DOCK5: variants seen among roughly 807,000 people sequenced by gnomAD.
DOCK5 encodes dedicator of cytokinesis 5.
A neutral mutation model predicts 251.8 loss-of-function variants in DOCK5; 142 were observed. That is an observed-to-expected ratio of 0.56 (90% CI 0.49 to 0.65). The LOEUF is 0.65. Among genes scored for constraint, DOCK5 ranks in the 30% least tolerant of loss-of-function variants. The pLI is 0.00. For missense variants in DOCK5, 2,111 were observed against 2,312.3 expected, an observed-to-expected ratio of 0.91 and a Z score of 1.79; for synonymous variants, 842 against 835.5, an observed-to-expected ratio of 1.01 and a Z score of -0.13.
intron 5 of DOCK5, among the ~76,000 whole-genome samples, chr8:25,279,373 A>G (rs1351640432): frequency 6.6e-6 from 1 of 152,178 alleles, no homozygotes; most frequent in Non-Finnish European, 1.5e-5. Context: ...AACATGATGA[A>G]ACTGAGAACA....
rs777662609 is a variant in DOCK5 at position 25,270,643 on chromosome 8, C to T, written c.168+1758C>T. The T allele has an allele frequency of 3.8e-5, 16 of 417,902 alleles. No individual in the cohort carries two copies. The Middle Eastern group carries it at 9.6e-4, about 25-fold the overall frequency. The allele number at this position is 417,902 out of a possible 1,614,324, so 25.9% of individuals were successfully genotyped here. A position where few individuals can be genotyped will look rare whatever the true frequency, so the allele number is the denominator to read the frequency against. ...AACGAAACTCTTGGATTTTTCACTG[C>T]GAAATTCAATTACGTTCAACCAAGG... On this transcript the variant is annotated intron_variant, in intron 3 of 51. Transcript: ENST00000276440.
chr8:25,187,123 C>G (rs920295362), intron 1 of DOCK5, among the ~76,000 whole-genome samples: 1 of 151,110 alleles, frequency 6.6e-6, no homozygotes, highest in Non-Finnish European at 1.5e-5. Flanking sequence ...ATAGCTTGAG[C>G]CTGGGAGGTT....
chr8:25,196,147 G>T (rs1801720354), intron 1 of DOCK5, among the ~76,000 whole-genome samples: 1 of 152,204 alleles, frequency 6.6e-6, no homozygotes, highest in South Asian at 2.1e-4. Context: ...CATAAATGTT[G>T]CATTATTAGA....
chr8:25,361,981 A>G (rs1390091337), intron 28 of DOCK5, among the ~76,000 whole-genome samples: 1 of 152,224 alleles, frequency 6.6e-6, no homozygotes, highest in Non-Finnish European at 1.5e-5. Flanking sequence ...AACTAATAAA[A>G]ATGCCTTCAA....
chr8:25,218,274 G>A (rs562689284), intron 1 of DOCK5, among the ~76,000 whole-genome samples: 1 of 152,308 alleles, frequency 6.6e-6, no homozygotes, highest in Admixed American at 6.5e-5. Context: ...CCGTGGACAG[G>A]AATGGAGTGT....
At chr8:25,236,488 T>C (rs1425188902) in intron 1 of DOCK5, among the ~76,000 whole-genome samples, 1 of 152,226 alleles carries the variant, frequency 6.6e-6, no homozygotes, top group Non-Finnish European at 1.5e-5. Context: ...AAGATGAAGA[T>C]CAAAGATGAG....
intron 1 of DOCK5, among the ~76,000 whole-genome samples, chr8:25,198,571 C>A (rs1450792368): frequency 6.8e-6 from 1 of 147,136 alleles, no homozygotes. Flanking sequence ...GACTCCATCT[C>A]AAAAAAAAAA....
intron 11 of DOCK5, 55 bp downstream of exon 11, chr8:25,304,382 TTG>T: frequency 1.4e-6 from 2 of 1,476,614 alleles, no homozygotes; most frequent in Non-Finnish European, 1.8e-6. Flanking sequence ...AGCCATTCAA[TTG>T]TCTTTTAACA....
chr8:25,399,811 C>A, intron 45 of DOCK5, 100 bp from the exon 46 acceptor site: 1 of 829,608 alleles, frequency 1.2e-6, no homozygotes, highest in Non-Finnish European at 2.0e-6. Context: ...TAGTTAGACA[C>A]ATCTGGTTCT....
intron 39 of DOCK5, among the ~76,000 whole-genome samples, chr8:25,382,317 G>T (rs1801081704): frequency 6.6e-6 from 1 of 152,178 alleles, no homozygotes; most frequent in Non-Finnish European, 1.5e-5. Flanking sequence ...GTCTGGTTAA[G>T]TGCAGCCGCC....
chr8:25,358,896 T>A (rs1283791420), intron 27 of DOCK5, 67 bp from the exon 28 acceptor site: 2 of 1,407,290 alleles, frequency 1.4e-6, no homozygotes, highest in Non-Finnish European at 2.0e-6. Flanking sequence ...TTCATGGGGC[T>A]CACATAGTGT....
chr8:25,328,096 G>A (rs1223868885), intron 18 of DOCK5, among the ~76,000 whole-genome samples: 1 of 152,042 alleles, frequency 6.6e-6, no homozygotes, highest in Non-Finnish European at 1.5e-5. Flanking sequence ...GTCTTCTGCA[G>A]CTGGTGAGTT....
intron 1 of DOCK5, among the ~76,000 whole-genome samples, chr8:25,234,490 A>G (rs1478594250): frequency 1.3e-5 from 2 of 152,242 alleles, no homozygotes; most frequent in South Asian, 4.1e-4. Flanking sequence ...AATAGTTGCT[A>G]TCAGATTTTT....
At chr8:25,271,329 C>A (rs1554528609) in intron 3 of DOCK5, 1 of 152,402 alleles carries the variant, frequency 6.6e-6, no homozygotes, top group Admixed American at 6.5e-5. Context: ...AAGGGACATG[C>A]ATTTATTTGA....
chr8:25,350,738 A>G (rs1800452240), intron 26 of DOCK5, among the ~76,000 whole-genome samples: 1 of 152,148 alleles, frequency 6.6e-6, no homozygotes, highest in Non-Finnish European at 1.5e-5. Context: ...CTGTGTGCTC[A>G]CCTGGTGGAG....
Position 25,366,975 on chromosome 8 carries a change from G to C in DOCK5, c.3224+5G>C. ...GCGCAACAAAATTGTTAAAAAGTAA[G>C]TGTCCTTTTAAAGTTAAGATCGGGA... On this transcript the variant is annotated splice_donor_5th_base_variant and intron_variant, in intron 31 of 51. Transcript: ENST00000276440. 1 of 1,611,896 alleles carries C rather than the reference G, an allele frequency of 6.2e-7. No individual in the cohort carries two copies. The highest frequency in any genetic ancestry group is 8.5e-7 in the Non-Finnish European group (1 of 1,178,214).
chr8:25,326,502 C>T (rs538692892), intron 18 of DOCK5, among the ~76,000 whole-genome samples: 1 of 152,148 alleles, frequency 6.6e-6, no homozygotes, highest in Non-Finnish European at 1.5e-5. Context: ...TAGGGCTAAT[C>T]CGTATGTGCA....
At chr8:25,256,638 CAAAAAAAAA>C (rs891243325) in intron 2 of DOCK5, among the ~76,000 whole-genome samples, 1 of 48,950 alleles carries the variant, frequency 2.0e-5, no homozygotes, top group Non-Finnish European at 4.4e-5. Flanking sequence ...ATCTCCATCT[CAAAAAAAAA>C]AAAAAAAAAA....
Position 25,275,462 on chromosome 8 carries a change from A to G in DOCK5, c.224+21A>G, listed in dbSNP as rs139215071. On this transcript the variant is annotated intron_variant, in intron 4 of 51. Transcript: ENST00000276440. ...CTGGGGTAAGTTCCAAGCTAGGAAGATTCCCCAAAAATGATGAAGATGTAA... is the reference window on the plus strand; with the variant it reads ...CTGGGGTAAGTTCCAAGCTAGGAAGGTTCCCCAAAAATGATGAAGATGTAA... The G allele has an allele frequency of 6.5e-4, 1,032 of 1,593,432 alleles. 12 individuals are homozygous for G. The East Asian group carries it at 0.017, about 26-fold the overall frequency.
Sources: gnomAD v4.1 joint callset for allele counts (sites outside exome capture counted in the v4.1 genomes callset) on GRCh38, gnomAD v4.1.1 for gene constraint, MANE v1.5 for transcripts, NCBI Gene and HGNC (gene_info 2026-07-23, HGNC 2026-07-21) for gene names.